Variants in TMEM178B observed in about 807,000 individuals in gnomAD.
TMEM178B encodes the protein transmembrane protein 178B.
A neutral mutation model predicts 31.0 loss-of-function variants in TMEM178B; 5 were observed. The ratio of observed to expected loss-of-function variants is 0.16; its 90% CI spans 0.08 to 0.34. The LOEUF (loss-of-function observed/expected upper bound fraction) is 0.34. Ranked by LOEUF, TMEM178B falls within the 10% of genes least tolerant of loss-of-function variation. The pLI, the probability that TMEM178B is intolerant of heterozygous loss-of-function variation, is 1.00. For synonymous variants in TMEM178B, 164 were observed against 164.0 expected (o/e 1.00, Z 0.00); for missense variants, 275 against 400.3 (o/e 0.69, Z 2.67).
At chr7:141,496,868 ATT>A in the TMEM178B span, among the ~76,000 whole-genome samples, 1 of 152,110 alleles carries the variant, frequency 6.6e-6, no homozygotes, top group Non-Finnish European at 1.5e-5. Context: ...TCCCCATTGT[ATT>A]CAATGTACTG....
chr7:141,203,415 C>T (rs1393898716), intron 1 of TMEM178B, among the ~76,000 whole-genome samples: 1 of 152,190 alleles, frequency 6.6e-6, no homozygotes, highest in African/African-American at 2.4e-5. Context: ...TTGGAGACCC[C>T]ACGTGGGCTG....
chr7:141,248,401 C>T (rs186701850), intron 2 of TMEM178B, among the ~76,000 whole-genome samples: 3 of 152,146 alleles, frequency 2.0e-5, no homozygotes, highest in African/African-American at 2.4e-5. Context: ...ATAAGTGTAT[C>T]GGATATTCAG....
At chr7:141,193,166 C>G (rs1586818875) in intron 1 of TMEM178B, among the ~76,000 whole-genome samples, 1 of 152,210 alleles carries the variant, frequency 6.6e-6, no homozygotes, top group Non-Finnish European at 1.5e-5. Flanking sequence ...TTCTGCTAAA[C>G]CATCCCTGCT....
chr7:141,100,304 C>T (rs932185103), intron 1 of TMEM178B, among the ~76,000 whole-genome samples: 3 of 151,974 alleles, frequency 2.0e-5, no homozygotes, highest in Non-Finnish European at 4.4e-5. Flanking sequence ...CTGGATACGT[C>T]CATCTTTTAG....
chr7:141,168,183 G>T (rs1454266955), intron 1 of TMEM178B, among the ~76,000 whole-genome samples: 1 of 152,120 alleles, frequency 6.6e-6, no homozygotes, highest in Non-Finnish European at 1.5e-5. Flanking sequence ...ACCTAGCTGG[G>T]TTGTCTCTCT....
At chr7:141,492,151 T>C in the TMEM178B span, among the ~76,000 whole-genome samples, 2 of 152,128 alleles carry the variant, frequency 1.3e-5, no homozygotes, top group Non-Finnish European at 2.9e-5. Context: ...CTCAGTCTAA[T>C]TCCAGTTCCT....
chr7:141,359,148 A>G (rs1271588532), intron 2 of TMEM178B, among the ~76,000 whole-genome samples: 1 of 152,234 alleles, frequency 6.6e-6, no homozygotes, highest in African/African-American at 2.4e-5. Flanking sequence ...AACTTGCACT[A>G]GCATCTAAAA....
chr7:141,343,536 T>TTC, intron 2 of TMEM178B, among the ~76,000 whole-genome samples: 1 of 145,302 alleles, frequency 6.9e-6, no homozygotes, highest in East Asian at 2.0e-4. Flanking sequence ...TTTTTTTTTT[T>TTC]TTTTTTTTTT....
In TMEM178B at chr7:141,480,320, A is replaced by C. The variant is rs1802451058; in HGVS notation, c.*9534A>C. 6.6e-6 allele frequency: 1 copy of C among 152,220 alleles called. No homozygotes were observed. The highest frequency in any genetic ancestry group is 6.5e-5 in the Admixed American group (1 of 15,284). The allele number at this position is 152,220 out of a possible 1,614,324, so 9.4% of individuals were successfully genotyped here. On this transcript the variant is annotated 3_prime_UTR_variant, in exon 4 of 4. Transcript: ENST00000565468. ...TCATGGAAAAAATAAATAATCTGTCAGTTGTGGAATGTAAACTGATTAAAC... is the reference window on the plus strand; with the variant it reads ...TCATGGAAAAAATAAATAATCTGTCCGTTGTGGAATGTAAACTGATTAAAC...
At chr7:141,178,305 A>C (rs986488333) in intron 1 of TMEM178B, among the ~76,000 whole-genome samples, 7 of 152,254 alleles carry the variant, frequency 4.6e-5, no homozygotes, top group African/African-American at 1.7e-4. Context: ...TGGATAGAAT[A>C]GACTTTGAAG....
chr7:141,293,107 G>A (rs1199298003), intron 2 of TMEM178B, among the ~76,000 whole-genome samples: 3 of 152,204 alleles, frequency 2.0e-5, no homozygotes, highest in Admixed American at 6.5e-5. Context: ...GGCAAGACTA[G>A]GGAGAAACCA....
At chr7:141,234,839 A>T (rs1487056863) in intron 2 of TMEM178B, among the ~76,000 whole-genome samples, 1 of 152,156 alleles carries the variant, frequency 6.6e-6, no homozygotes, top group African/African-American at 2.4e-5. Flanking sequence ...CAGACGTGGG[A>T]GGTGAATAAT....
At chr7:141,146,692 C>T (rs1328081083) in intron 1 of TMEM178B, among the ~76,000 whole-genome samples, 3 of 152,118 alleles carry the variant, frequency 2.0e-5, no homozygotes, top group East Asian at 1.9e-4. Flanking sequence ...AGCAGCATGG[C>T]GTTTGGCCTG....
intron 2 of TMEM178B, among the ~76,000 whole-genome samples, chr7:141,335,684 G>C (rs930224941): frequency 6.6e-6 from 1 of 152,110 alleles, no homozygotes; most frequent in Non-Finnish European, 1.5e-5. Flanking sequence ...AGCGCAATTT[G>C]ATGGGATCTT....
At chr7:141,194,643 G>A (rs1473922587) in intron 1 of TMEM178B, among the ~76,000 whole-genome samples, 1 of 152,112 alleles carries the variant, frequency 6.6e-6, no homozygotes, top group Non-Finnish European at 1.5e-5. Context: ...GCAAGCTGTC[G>A]GTGGATCTAC....
chr7:141,468,801 A>C (rs1802190336), intron 3 of TMEM178B, among the ~76,000 whole-genome samples: 1 of 152,190 alleles, frequency 6.6e-6, no homozygotes, highest in Non-Finnish European at 1.5e-5. Context: ...CAGAGAGAGA[A>C]GGGTGCCCAA....
chr7:141,345,188 G>A (rs1042775002), intron 2 of TMEM178B, among the ~76,000 whole-genome samples: 3 of 152,094 alleles, frequency 2.0e-5, no homozygotes, highest in Non-Finnish European at 2.9e-5. Flanking sequence ...GAGACCTTAC[G>A]TTTTAACCTA....
chr7:141,354,939 C>T (rs1343933997), intron 2 of TMEM178B, among the ~76,000 whole-genome samples: 1 of 152,184 alleles, frequency 6.6e-6, no homozygotes, highest in African/African-American at 2.4e-5. Context: ...GAGATTCTAG[C>T]TGCTTATTTT....
intron 2 of TMEM178B, 91 bp downstream of exon 2, chr7:141,212,795 T>C: frequency 9.8e-7 from 1 of 1,024,808 alleles, no homozygotes; most frequent in Non-Finnish European, 1.5e-6. Context: ...TTCTGGGATC[T>C]GTGGATGGTC....
Sources: allele counts gnomAD v4.1 joint callset (sites outside exome capture counted in the v4.1 genomes callset), GRCh38; gene constraint gnomAD v4.1.1; transcripts MANE v1.5; gene names NCBI Gene and HGNC (gene_info 2026-07-23, HGNC 2026-07-21).